Variants in SECISBP2 observed in about 807,000 individuals in gnomAD.
SECISBP2 encodes selenocysteine insertion sequence-binding protein 2.
Under a neutral mutation model 98.2 loss-of-function variants are expected in SECISBP2, and 96 were observed. The ratio of observed to expected loss-of-function variants is 0.98; its 90% CI spans 0.83 to 1.16. The LOEUF (loss-of-function observed/expected upper bound fraction) is 1.16. Among genes scored for constraint, SECISBP2 ranks in the 50% most tolerant of loss-of-function variants. The probability of loss-of-function intolerance (pLI) is 0.00; values close to 1 mark genes in which losing one functional copy is unlikely to be tolerated. For missense variants in SECISBP2, 1,046 were observed against 1,022.9 expected, an observed-to-expected ratio of 1.02 and a Z score of -0.31; for synonymous variants, 407 against 370.2, an observed-to-expected ratio of 1.10 and a Z score of -1.14.
At chr9:89,333,206 G>A (rs1287048717) in intron 6 of SECISBP2, among the ~76,000 whole-genome samples, 1 of 152,172 alleles carries the variant, frequency 6.6e-6, no homozygotes, top group Non-Finnish European at 1.5e-5. Context: ...TCTAAATGAA[G>A]TACACATCCA....
downstream of SECISBP2, chr9:89,363,904 C>T (rs748405805): frequency 6.2e-6 from 10 of 1,613,992 alleles, no homozygotes; most frequent in Non-Finnish European, 8.5e-6. Context: ...CACAGGTCTC[C>T]AGAGCTCGCC....
At chr9:89,355,459 G>T (rs1427856151) in intron 14 of SECISBP2, 2 of 964,126 alleles carry the variant, frequency 2.1e-6, no homozygotes, top group Non-Finnish European at 2.5e-6. Context: ...CATTTTCTGT[G>T]AATTGTTCAT....
chr9:89,363,551 G>A (rs754837161), downstream of SECISBP2: 5 of 1,613,490 alleles, frequency 3.1e-6, no homozygotes, highest in Admixed American at 8.3e-5. Flanking sequence ...AGGGTCCCCA[G>A]GTCAAAGCTC....
At chr9:89,335,377 G>C (rs1203483680) in intron 7 of SECISBP2, among the ~76,000 whole-genome samples, 3 of 152,064 alleles carry the variant, frequency 2.0e-5, no homozygotes, top group Admixed American at 2.0e-4. Flanking sequence ...CTGTTGCCCA[G>C]CCTGGAGTGC....
rs1221828799 is a variant in SECISBP2, at chr9:89,348,112, C to T, written c.1636C>T (p.Arg546Cys). The T allele has an allele frequency of 6.2e-6, 10 of 1,613,734 alleles. No homozygotes were observed. Among genetic ancestry groups the T allele is most frequent in the African/African-American group, 2.7e-5 (2 of 75,046 alleles). Residue 546 changes from arginine to cysteine, a missense_variant, in exon 12 of 17, where the codon CGT (arginine) becomes TGT (cysteine). Arg to Cys is a radical substitution (Grantham distance 180). Transcript: ENST00000375807. ...GAAAGAACGGCAAGAGAGAAAGCAGCGTCTCCAAGAAAATGCTGTGAGTCC... is the reference window on the plus strand; with the variant it reads ...GAAAGAACGGCAAGAGAGAAAGCAGTGTCTCCAAGAAAATGCTGTGAGTCC... ...ILKERQERKQ[R>C]LQENAVSPAF...
At chr9:89,326,506 G>A (rs890456217) in intron 4 of SECISBP2, among the ~76,000 whole-genome samples, 3 of 152,138 alleles carry the variant, frequency 2.0e-5, no homozygotes, top group Non-Finnish European at 4.4e-5. Context: ...ACTGAAAGAT[G>A]GAAAGTTTAC....
Position 89,358,867 on chromosome 9 carries a change from G to C in SECISBP2, c.*43G>C. On this transcript the variant is annotated 3_prime_UTR_variant, in exon 17 of 17. Transcript: ENST00000375807. ...TCTGTATTTTGGGTAAGGAGGGGAGGTCTGAAAAAGACTTTGGGGCTTTTT... is the reference window on the plus strand; with the variant it reads ...TCTGTATTTTGGGTAAGGAGGGGAGCTCTGAAAAAGACTTTGGGGCTTTTT... The C allele has an allele frequency of 1.6e-6, 2 of 1,223,636 alleles. No individual in the cohort carries two copies. Among genetic ancestry groups the C allele is most frequent in the Non-Finnish European group, 1.2e-6 (1 of 829,598 alleles). The allele number at this position is 1,223,636 out of a possible 1,614,324, so 75.8% of individuals were successfully genotyped here. A position where few individuals can be genotyped will look rare whatever the true frequency, so the allele number is the denominator to read the frequency against.
At chr9:89,334,787 G>A in intron 7 of SECISBP2, 57 bp downstream of exon 7, 1 of 1,300,554 alleles carries the variant, frequency 7.7e-7, no homozygotes, top group Non-Finnish European at 1.1e-6. Flanking sequence ...TCAGTAGAGT[G>A]GGGAATGAGA....
Position 89,333,924 on chromosome 9 carries a change from GAGGGGAACA to G in SECISBP2, c.881-597_881-589del. ...CTCTGAGGATGTGTAGTTCTCTAGT[GAGGGGAACA>G]GTCTGTTTTACCCTTGGGGGTAGCC... On this transcript the variant is annotated intron_variant, in intron 6 of 16. Coordinates refer to ENST00000375807, the MANE Select transcript of SECISBP2 (RefSeq NM_024077.5). 1.7e-5 allele frequency: 10 copies of G among 582,018 alleles called. No individual in the cohort carries two copies. The South Asian group carries it at 2.1e-4, about 12-fold the overall frequency. The allele number at this position is 582,018 out of a possible 1,614,324, so 36.1% of individuals were successfully genotyped here.
chr9:89,358,820 T>C lies in SECISBP2; in HGVS notation c.2561T>C (p.Leu854Ser). The C allele has an allele frequency of 1.2e-6, 2 of 1,603,366 alleles. No homozygotes were observed. Among genetic ancestry groups the C allele is most frequent in the Non-Finnish European group, 1.7e-6 (2 of 1,170,310 alleles). Residue 854 changes from leucine (L) to serine (S), a missense_variant, in exon 17 of 17, where the codon TTA (leucine) becomes TCA (serine). Coordinates refer to ENST00000375807, the MANE Select transcript of SECISBP2 (RefSeq NM_024077.5). ...ACCTCTCAAATGATGAATTTGAATTTATGAGAGTTCTTGCCTGTGTGTCTG... is the reference window on the plus strand; with the variant it reads ...ACCTCTCAAATGATGAATTTGAATTCATGAGAGTTCTTGCCTGTGTGTCTG... ...ASTSQMMNLN[L>S]
chr9:89,357,167 GTAATAC>G (rs879474247), intron 14 of SECISBP2: 23 of 547,464 alleles, frequency 4.2e-5, no homozygotes, highest in Admixed American at 2.8e-4. Flanking sequence ...GTAAGTTTCA[GTAATAC>G]TAATAGTTAA....
chr9:89,359,021 T>C lies in SECISBP2; in HGVS notation c.*197T>C. The C allele has an allele frequency of 1.7e-6, 1 of 593,930 alleles. No homozygotes were observed. Among genetic ancestry groups the C allele is most frequent in the South Asian group, 2.0e-5 (1 of 50,874 alleles). 36.8% of individuals were successfully genotyped at this position (593,930 alleles called of 1,614,324 possible). A position where few individuals can be genotyped will look rare whatever the true frequency, so the allele number is the denominator to read the frequency against. On this transcript the variant is annotated 3_prime_UTR_variant, in exon 17 of 17. Transcript: ENST00000375807. ...GAGCCTGTTAAAGGTCACTCAGATG[T>C]GCAGGTGTTAATCTTCTCTAAAAGC...
chr9:89,326,166 C>A, intron 4 of SECISBP2, 128 bp downstream of exon 4: 1 of 1,136,794 alleles, frequency 8.8e-7, no homozygotes, highest in Non-Finnish European at 1.3e-6. Flanking sequence ...AGACCTGGGT[C>A]TGACACAGCT....
At chr9:89,363,086 C>T (rs893961381), downstream of SECISBP2, among the ~76,000 whole-genome samples, 2 of 152,184 alleles carry the variant, frequency 1.3e-5, no homozygotes, top group Non-Finnish European at 2.9e-5. Context: ...GTTTCCTGCC[C>T]TCCTCAAAGG....
intron 9 of SECISBP2, 41 bp downstream of exon 9, chr9:89,339,994 C>G: frequency 7.3e-7 from 1 of 1,372,142 alleles, no homozygotes; most frequent in Non-Finnish European, 1.0e-6. Flanking sequence ...TTAGGCTTAA[C>G]TCTTCTGGCT....
rs183711393 is a variant in SECISBP2 at position 89,344,408 on chromosome 9, C to T, written c.1436-2474C>T. Among the ~76,000 whole-genome samples the T allele has an allele frequency of 4.2e-3, 636 of 152,226 alleles. 7 individuals carry two copies. The highest frequency in any genetic ancestry group is 0.014 in the African/African-American group (585 of 41,522). On this transcript the variant is annotated intron_variant, in intron 10 of 16. Transcript: ENST00000375807. ...AGTTCCTGTGTCCAAAATGGTATTGCCTGGGTTGTCTTTCAGTGTTTTTAT... is the reference window on the plus strand; with the variant it reads ...AGTTCCTGTGTCCAAAATGGTATTGTCTGGGTTGTCTTTCAGTGTTTTTAT...
chr9:89,320,355 C>CAAAAAAA (rs776426275), intron 2 of SECISBP2, among the ~76,000 whole-genome samples: 1 of 51,960 alleles, frequency 1.9e-5, no homozygotes, highest in Non-Finnish European at 4.0e-5. Flanking sequence ...GACTCTGTCT[C>CAAAAAAA]AAAAAAAAAA....
In SECISBP2 at chr9:89,325,602, C is replaced by T. The variant is rs777447200; in HGVS notation, c.358C>T (p.Arg120Ter). 18 of 1,613,954 alleles carry T rather than the reference C, an allele frequency of 1.1e-5. No homozygotes were observed. The highest frequency in any genetic ancestry group is 6.7e-5 in the East Asian group (3 of 44,882). ...QYLYNQPSCYRGFQTVKHRNE... is the reference protein window; with the variant it reads ...QYLYNQPSCY ...TCTTTATAACCAACCCAGTTGTTAC[C>T]GAGGTTTTCAAACAGTGAAGCATCG... Residue 120 changes from arginine to a stop codon, truncating the protein, a stop_gained, in exon 3 of 17, where the codon CGA (arginine) becomes TGA (stop). Coordinates refer to ENST00000375807, the MANE Select transcript of SECISBP2 (RefSeq NM_024077.5). LOFTEE classifies it high-confidence loss of function.
chr9:89,337,182 G>T (rs1046461990), intron 7 of SECISBP2, among the ~76,000 whole-genome samples: 33 of 152,088 alleles, frequency 2.2e-4, no homozygotes, highest in African/African-American at 7.7e-4. Flanking sequence ...ATTTTCCCAA[G>T]ATCTTTTTTA....
Sources: gnomAD v4.1 joint callset for allele counts (sites outside exome capture counted in the v4.1 genomes callset) on GRCh38, gnomAD v4.1.1 for gene constraint, MANE v1.5 for transcripts, NCBI Gene and HGNC (gene_info 2026-07-23, HGNC 2026-07-21) for gene names.